The following MEIS1 variants were observed in gnomAD, a reference collection of about 807,000 sequenced individuals.
MEIS1 encodes homeobox protein Meis1.
In MEIS1, 5 loss-of-function variants were observed where a neutral mutation model predicts 50.8. That is an observed-to-expected ratio of 0.10 (90% CI 0.05 to 0.21). The LOEUF is 0.21. Ranked by LOEUF, MEIS1 falls within the 10% of genes least tolerant of loss-of-function variation. The pLI is 1.00. For missense variants in MEIS1, 318 were observed against 517.3 expected (o/e 0.61, Z 3.74); for synonymous variants, 176 against 179.3 (o/e 0.98, Z 0.15).
intron 10 of MEIS1, chr2:66,568,357 T>C: frequency 3.6e-6 from 1 of 276,288 alleles, no homozygotes; most frequent in Non-Finnish European, 7.0e-6. Context: ...TAGCATCGCA[T>C]TGAGGCAACA....
intron 1 of MEIS1, chr2:66,437,352 C>G (rs1307832638): frequency 4.6e-6 from 1 of 216,210 alleles, no homozygotes; most frequent in African/African-American, 2.3e-5. Context: ...CTGCAGTGTC[C>G]TGGCACGTTT....
intron 7 of MEIS1, among the ~76,000 whole-genome samples, chr2:66,506,274 C>G (rs1185701319): frequency 6.6e-6 from 1 of 152,164 alleles, no homozygotes; most frequent in Non-Finnish European, 1.5e-5. Flanking sequence ...AGCTACAGTC[C>G]AGCAAATACC....
chr2:66,495,622 G>T (rs140477081), intron 7 of MEIS1, among the ~76,000 whole-genome samples: 3 of 152,262 alleles, frequency 2.0e-5, no homozygotes, highest in Non-Finnish European at 2.9e-5. Flanking sequence ...GATCTGAATG[G>T]CTGCGATCTG....
intron 2 of MEIS1, chr2:66,439,596 A>G: frequency 1.3e-6 from 2 of 1,532,326 alleles, no homozygotes; most frequent in Non-Finnish European, 1.7e-6. Flanking sequence ...TTCTCCGGCC[A>G]GATACGCTAA....
chr2:66,533,147 T>C (rs1025584330), intron 8 of MEIS1, among the ~76,000 whole-genome samples: 1 of 152,178 alleles, frequency 6.6e-6, no homozygotes, highest in African/African-American at 2.4e-5. Context: ...GATCCTCTGC[T>C]CCCTTTTCTC....
At chr2:66,522,699 A>G (rs142688945) in intron 8 of MEIS1, among the ~76,000 whole-genome samples, 158 of 152,340 alleles carry the variant, frequency 1.0e-3, no homozygotes, top group African/African-American at 3.8e-3. Context: ...AGATGAAGCC[A>G]GGGCTTCTGA....
chr2:66,454,790 A>G (rs1333862360), intron 6 of MEIS1: 1 of 152,180 alleles, frequency 6.6e-6, no homozygotes, highest in Non-Finnish European at 1.5e-5. Context: ...ATTTTATAAC[A>G]TCAGGTATAC....
chr2:66,535,016 A>T (rs9789607), intron 8 of MEIS1, among the ~76,000 whole-genome samples: 35,705 of 152,148 alleles, frequency 0.23, 5,151 homozygotes, highest in Non-Finnish European at 0.33. Context: ...CATCCTGGGC[A>T]GTACACATTT....
At chr2:66,445,606 G>A (rs1355408567) in intron 6 of MEIS1, among the ~76,000 whole-genome samples, 1 of 152,142 alleles carries the variant, frequency 6.6e-6, no homozygotes, top group Non-Finnish European at 1.5e-5. Flanking sequence ...TGAGAACGCT[G>A]GGCCTTGTTA....
At chr2:66,450,220 A>C (rs1172002125) in intron 6 of MEIS1, among the ~76,000 whole-genome samples, 1 of 152,210 alleles carries the variant, frequency 6.6e-6, no homozygotes, top group East Asian at 1.9e-4. Flanking sequence ...ACATTTCTAC[A>C]GTGGATTCTT....
chr2:66,447,778 T>C (rs542867026), intron 6 of MEIS1, among the ~76,000 whole-genome samples: 1 of 152,260 alleles, frequency 6.6e-6, no homozygotes, highest in South Asian at 2.1e-4. Flanking sequence ...TGTCTCTAAG[T>C]CTAAACGCTA....
chr2:66,571,390 G>C lies in MEIS1; in HGVS notation c.*182G>C, dbSNP rs745578980. On this transcript the variant is annotated 3_prime_UTR_variant, in exon 13 of 13. Coordinates refer to ENST00000272369, the MANE Select transcript of MEIS1 (RefSeq NM_002398.3). ...CCCCCCATGCATACGTACATTCCTG[G>C]ACACCCTCACCACCCAACAGTGATG... 2.5e-6 allele frequency: 4 copies of C among 1,604,092 alleles called. No individual in the cohort carries two copies. The South Asian group carries it at 4.4e-5, about 18-fold the overall frequency.
At chr2:66,564,316 A>C (rs1675286509) in intron 9 of MEIS1, among the ~76,000 whole-genome samples, 1 of 152,196 alleles carries the variant, frequency 6.6e-6, no homozygotes, top group Admixed American at 6.5e-5. Context: ...TGCCACCAAA[A>C]AGAAGCAAAT....
At chr2:66,473,397 A>AAAAAAAAAAAAAAAAAAATATAT in intron 7 of MEIS1, among the ~76,000 whole-genome samples, 1 of 107,614 alleles carries the variant, frequency 9.3e-6, no homozygotes, top group Admixed American at 9.6e-5. Context: ...AAAAAAAAAA[A>AAAAAAAAAAAAAAAAAAATATAT]ATATATATAT....
intron 5 of MEIS1, 78 bp downstream of exon 5, chr2:66,441,542 A>G: frequency 3.4e-6 from 4 of 1,186,874 alleles, no homozygotes; most frequent in Non-Finnish European, 4.6e-6. Flanking sequence ...GAATGGCTGA[A>G]GTTCAGCCTT....
chr2:66,567,367 T>C, intron 9 of MEIS1, 86 bp from the exon 10 acceptor site: 1 of 1,410,876 alleles, frequency 7.1e-7, no homozygotes, highest in Non-Finnish European at 9.8e-7. Context: ...CTAGTTTTAC[T>C]CCAACTGCGA....
chr2:66,437,556 T>C, intron 1 of MEIS1, 181 bp from the exon 2 acceptor site: 2 of 621,724 alleles, frequency 3.2e-6, no homozygotes, highest in Non-Finnish European at 2.9e-6. Context: ...GAGAATTCTG[T>C]ATTTTTTACT....
chr2:66,532,524 A>G (rs1006940833), intron 8 of MEIS1, among the ~76,000 whole-genome samples: 10 of 152,322 alleles, frequency 6.6e-5, no homozygotes, highest in African/African-American at 2.4e-4. Flanking sequence ...TTTCCACTGC[A>G]TAAAATGTTA....
chr2:66,490,886 A>G (rs868824669), intron 7 of MEIS1, among the ~76,000 whole-genome samples: 2 of 152,206 alleles, frequency 1.3e-5, no homozygotes, highest in Admixed American at 6.5e-5. Flanking sequence ...TCACAAGTCA[A>G]CTTTGGCAGG....
Sources: gnomAD v4.1 joint callset for allele counts (sites outside exome capture counted in the v4.1 genomes callset) on GRCh38, gnomAD v4.1.1 for gene constraint, MANE v1.5 for transcripts, NCBI Gene and HGNC (gene_info 2026-07-23, HGNC 2026-07-21) for gene names.